The following C8orf34 variants were observed in gnomAD, a reference collection of about 807,000 sequenced individuals.
The protein encoded by C8orf34 is chromosome 8 open reading frame 34.
C8orf34 carries 65 observed loss-of-function variants against 68.3 expected under a neutral mutation model. The ratio of observed to expected loss-of-function variants is 0.95; its 90% CI spans 0.78 to 1.17. The LOEUF is 1.17. Among genes scored for constraint, C8orf34 ranks in the 50% most tolerant of loss-of-function variants. The probability of loss-of-function intolerance (pLI) is 0.00; values close to 1 mark genes in which losing one functional copy is unlikely to be tolerated. For missense variants in C8orf34, 664 were observed against 655.4 expected (o/e 1.01, Z -0.14); for synonymous variants, 244 against 241.2 (o/e 1.01, Z -0.11).
At chr8:68,761,731 T>C (rs1823029909) in intron 10 of C8orf34, among the ~76,000 whole-genome samples, 1 of 152,206 alleles carries the variant, frequency 6.6e-6, no homozygotes, top group Non-Finnish European at 1.5e-5. Context: ...CTGCTGTACC[T>C]TTACTAATGA....
chr8:68,792,768 A>AT (rs1188249902), intron 12 of C8orf34, among the ~76,000 whole-genome samples: 1 of 151,918 alleles, frequency 6.6e-6, no homozygotes, highest in African/African-American at 2.4e-5. Flanking sequence ...AATTCTGAAG[A>AT]TAGAATTAGA....
chr8:68,477,557 AC>A (rs1387832696), intron 4 of C8orf34, among the ~76,000 whole-genome samples: 1 of 152,190 alleles, frequency 6.6e-6, no homozygotes, highest in Non-Finnish European at 1.5e-5. Flanking sequence ...AGATCTACTG[AC>A]AGCTTGAACT....
intron 8 of C8orf34, among the ~76,000 whole-genome samples, chr8:68,641,921 T>C (rs1372458003): frequency 6.6e-6 from 1 of 152,218 alleles, no homozygotes; most frequent in Non-Finnish European, 1.5e-5. Flanking sequence ...GTGGCATGTA[T>C]TACTTTCTTA....
In C8orf34 at chr8:68,532,877, T is replaced by A. The variant is rs1264405443; in HGVS notation, c.939-106T>A. 6 of 757,810 alleles carry A rather than the reference T, an allele frequency of 7.9e-6. No individual in the cohort carries two copies. In the Middle Eastern group the frequency reaches 7.3e-4, roughly 92 times the overall value. 46.9% of individuals were successfully genotyped at this position (757,810 alleles called of 1,614,324 possible). On this transcript the variant is annotated intron_variant, in intron 6 of 13. Transcript: ENST00000518698. The stretch of plus-strand genomic sequence containing the variant: ...TATTTCCATTATCCTTGGGGAAAAC[T>A]TTAGTAACATGTCCACATACGTGTG...
At chr8:68,749,860 A>G (rs1483549565) in intron 10 of C8orf34, among the ~76,000 whole-genome samples, 1 of 152,170 alleles carries the variant, frequency 6.6e-6, no homozygotes, top group East Asian at 1.9e-4. Context: ...TACATTTTGT[A>G]CGTCTGTTCA....
intron 3 of C8orf34, among the ~76,000 whole-genome samples, chr8:68,465,520 T>A (rs1303523377): frequency 2.6e-5 from 4 of 152,090 alleles, no homozygotes; most frequent in African/African-American, 9.7e-5. Flanking sequence ...ATTGCAGCAC[T>A]ATTCACAATA....
rs540278213 is a variant in C8orf34, at chr8:68,387,831, G to GT, written c.328-51661dup. 2.0e-4 allele frequency among the ~76,000 whole-genome samples: 30 copies of GT among 150,494 alleles called. No homozygotes were observed. The South Asian group carries it at 5.4e-3, about 27-fold the overall frequency. On this transcript the variant is annotated intron_variant, in intron 1 of 13. Coordinates refer to ENST00000518698, the MANE Select transcript of C8orf34 (RefSeq NM_052958.4). ...AGCATGAATGTGACAACTCTACAGT[G>GT]TTTTTTTCTTTATTTAGCATATATG...
chr8:68,700,465 C>T (rs1023612310), intron 8 of C8orf34, among the ~76,000 whole-genome samples: 32 of 152,038 alleles, frequency 2.1e-4, no homozygotes, highest in African/African-American at 7.5e-4. Flanking sequence ...AGGATAGAGG[C>T]AAGGTTTTGT....
chr8:68,788,226 G>C (rs1823898126), intron 12 of C8orf34, among the ~76,000 whole-genome samples: 3 of 152,274 alleles, frequency 2.0e-5, no homozygotes, highest in South Asian at 2.1e-4. Context: ...TAGCCCTCAT[G>C]ATAATTGGTG....
chr8:68,686,110 GCAGTAAGATTGAAT>G (rs1172729696), intron 8 of C8orf34, among the ~76,000 whole-genome samples: 1 of 151,688 alleles, frequency 6.6e-6, no homozygotes, highest in Non-Finnish European at 1.5e-5. Flanking sequence ...CAAATAACAA[GCAGTAAGATTGAAT>G]CAGTAATAAA....
chr8:68,745,824 A>G (rs1822471197), intron 10 of C8orf34, among the ~76,000 whole-genome samples: 1 of 152,178 alleles, frequency 6.6e-6, no homozygotes, highest in Non-Finnish European at 1.5e-5. Context: ...TAGACAGATC[A>G]ACGAGACAGA....
intron 1 of C8orf34, among the ~76,000 whole-genome samples, chr8:68,391,662 C>G (rs929389593): frequency 6.6e-6 from 1 of 152,170 alleles, no homozygotes; most frequent in Non-Finnish European, 1.5e-5. Flanking sequence ...GCAAACAACC[C>G]ATAAAATCTC....
intron 1 of C8orf34, among the ~76,000 whole-genome samples, chr8:68,408,827 C>G (rs1809317781): frequency 6.6e-6 from 1 of 151,868 alleles, no homozygotes; most frequent in Non-Finnish European, 1.5e-5. Flanking sequence ...CTTGCTCTGT[C>G]ACCCAGGCTA....
chr8:68,412,892 C>A (rs1300618897), intron 1 of C8orf34, among the ~76,000 whole-genome samples: 1 of 152,138 alleles, frequency 6.6e-6, no homozygotes, highest in Non-Finnish European at 1.5e-5. Flanking sequence ...TCCCTTATCA[C>A]CTTAGTGTCC....
intron 10 of C8orf34, among the ~76,000 whole-genome samples, chr8:68,757,137 A>G (rs1305872476): frequency 1.3e-5 from 2 of 152,178 alleles, no homozygotes; most frequent in Non-Finnish European, 2.9e-5. Flanking sequence ...GAAAAGACAC[A>G]ACTTTAAAAA....
Position 68,632,704 on chromosome 8 carries a change from T to G in C8orf34, c.1106-7672T>G, listed in dbSNP as rs78495980. Among the ~76,000 whole-genome samples, 1,489 of 152,224 alleles carry G rather than the reference T, an allele frequency of 9.8e-3. 30 individuals carry two copies. Among genetic ancestry groups the G allele is most frequent in the African/African-American group, 0.034 (1,420 of 41,520 alleles). On this transcript the variant is annotated intron_variant, in intron 7 of 13. Transcript: ENST00000518698. ...TGCTCCTCTGTTCAGCCTTGGGACA[T>G]TGTACCCTGCATCCCAGCCACTCCA... is the stretch of plus-strand genomic sequence containing the variant.
intron 9 of C8orf34, among the ~76,000 whole-genome samples, chr8:68,710,400 T>C (rs1821298296): frequency 6.6e-6 from 1 of 151,954 alleles, no homozygotes; most frequent in Non-Finnish European, 1.5e-5. Flanking sequence ...GGGGGCACAG[T>C]GGGTGTGCCT....
At chr8:68,581,178 C>T (rs957967547) in intron 7 of C8orf34, among the ~76,000 whole-genome samples, 1 of 151,990 alleles carries the variant, frequency 6.6e-6, no homozygotes, top group Non-Finnish European at 1.5e-5. Context: ...ATTTCTTATG[C>T]AAGTTTTGAT....
chr8:68,419,926 T>A (rs1217410477), intron 1 of C8orf34, among the ~76,000 whole-genome samples: 70 of 144,322 alleles, frequency 4.9e-4, no homozygotes, highest in Admixed American at 1.0e-3. Context: ...CATGTATACA[T>A]ATGTAACTAA....
Sources: gnomAD v4.1 joint callset for allele counts (sites outside exome capture counted in the v4.1 genomes callset) on GRCh38, gnomAD v4.1.1 for gene constraint, MANE v1.5 for transcripts, NCBI Gene and HGNC (gene_info 2026-07-23, HGNC 2026-07-21) for gene names.